The following CACNA1C variants were observed in gnomAD, a reference collection of about 807,000 sequenced individuals.
CACNA1C encodes voltage-dependent L-type calcium channel subunit alpha-1C.
Under a neutral mutation model 229.0 loss-of-function variants are expected in CACNA1C, and 30 were observed. The observed-to-expected ratio is 0.13, with a 90% CI of 0.10 to 0.18. CACNA1C has a LOEUF of 0.18. Among genes scored for constraint, CACNA1C ranks in the 10% least tolerant of loss-of-function variants. The pLI is 1.00. For missense variants in CACNA1C, 1,658 were observed against 2,845.0 expected (o/e 0.58, Z 9.49); for synonymous variants, 1,114 against 1,132.5 (o/e 0.98, Z 0.33).
At chr12:2,422,446 G>T (rs561807911) in intron 3 of CACNA1C, among the ~76,000 whole-genome samples, 1 of 151,704 alleles carries the variant, frequency 6.6e-6, no homozygotes, top group African/African-American at 2.4e-5. Context: ...TCTGTAGGAA[G>T]AGGATCCCAA....
chr12:2,511,539 C>T (rs958772503), intron 8 of CACNA1C, among the ~76,000 whole-genome samples: 4 of 152,044 alleles, frequency 2.6e-5, no homozygotes, highest in Non-Finnish European at 1.5e-5. Context: ...GACATCATGG[C>T]TCCAAGAATT....
rs1480176623 is a variant in CACNA1C, at chr12:2,678,438, T to G, written c.5091+571T>G. 2.0e-5 allele frequency among the ~76,000 whole-genome samples: 3 copies of G among 152,108 alleles called. No homozygotes were observed. Among genetic ancestry groups the G allele is most frequent in the African/African-American group, 7.2e-5 (3 of 41,410 alleles). Reference sequence around the variant, plus strand: ...TGAAGCTGCCCAGCAGTTGCAATAGTGAAAATTAAAACGGCTGTACCAGAA... The same window carrying G: ...TGAAGCTGCCCAGCAGTTGCAATAGGGAAAATTAAAACGGCTGTACCAGAA... On this transcript the variant is annotated intron_variant, in intron 41 of 46. Transcript: ENST00000399655. The surrounding 1 kb of genome is among the most constrained non-coding windows in gnomAD (Gnocchi z 4.1).
chr12:2,426,824 C>A (rs1034532310), intron 3 of CACNA1C, among the ~76,000 whole-genome samples: 1 of 152,176 alleles, frequency 6.6e-6, no homozygotes, highest in African/African-American at 2.4e-5. Flanking sequence ...CATGGCCTCT[C>A]ATTCTTTAGC....
intron 3 of CACNA1C, among the ~76,000 whole-genome samples, chr12:2,230,215 G>A (rs2064479402): frequency 6.6e-6 from 1 of 152,192 alleles, no homozygotes; most frequent in Non-Finnish European, 1.5e-5. Context: ...GCAGCCCGGG[G>A]GGCGGGCCTG....
intron 3 of CACNA1C, among the ~76,000 whole-genome samples, chr12:2,378,448 A>G (rs1330183414): frequency 6.6e-6 from 1 of 152,334 alleles, no homozygotes; most frequent in South Asian, 2.1e-4. Context: ...GCCTGTCTTC[A>G]TTACCCATGA....
chr12:2,238,531 G>A (rs963535769), intron 3 of CACNA1C, among the ~76,000 whole-genome samples: 2 of 152,224 alleles, frequency 1.3e-5, no homozygotes, highest in Non-Finnish European at 2.9e-5. Context: ...AATGGGATGA[G>A]TCTGTCAGTC....
chr12:2,423,991 C>G (rs1012241772), intron 3 of CACNA1C, among the ~76,000 whole-genome samples: 2 of 152,106 alleles, frequency 1.3e-5, no homozygotes, highest in Non-Finnish European at 2.9e-5. Flanking sequence ...TCCCGCTCCC[C>G]CTCCCCTCCT....
intron 1 of CACNA1C, among the ~76,000 whole-genome samples, chr12:2,000,761 G>A (rs1052156346): frequency 2.6e-5 from 4 of 152,156 alleles, no homozygotes; most frequent in Non-Finnish European, 5.9e-5. Context: ...ACCAGGCCGG[G>A]CACAGGGGCT....
intron 3 of CACNA1C, among the ~76,000 whole-genome samples, chr12:2,246,991 C>T (rs796221956): frequency 5.4e-4 from 82 of 152,280 alleles, no homozygotes; most frequent in African/African-American, 1.9e-3. Flanking sequence ...TGCAATAACT[C>T]CCCGATAGGT....
intron 30 of CACNA1C, among the ~76,000 whole-genome samples, chr12:2,636,573 A>G (rs1347016416): frequency 2.0e-5 from 3 of 152,098 alleles, no homozygotes; most frequent in Admixed American, 1.3e-4. Flanking sequence ...CTCATCCCCA[A>G]TTTGCTGATG....
At chr12:2,406,891 C>T (rs2098743513) in intron 3 of CACNA1C, among the ~76,000 whole-genome samples, 1 of 152,186 alleles carries the variant, frequency 6.6e-6, no homozygotes, top group African/African-American at 2.4e-5. Context: ...TTATCTGAAG[C>T]CTTCCCTTAC....
At chr12:2,426,039 G>T (rs894368556) in intron 3 of CACNA1C, among the ~76,000 whole-genome samples, 1 of 152,118 alleles carries the variant, frequency 6.6e-6, no homozygotes, top group East Asian at 1.9e-4. Flanking sequence ...TGAGAAATTA[G>T]CCCAGTCCTC....
chr12:2,220,356 T>G (rs1018059555), intron 3 of CACNA1C, among the ~76,000 whole-genome samples: 3 of 152,212 alleles, frequency 2.0e-5, no homozygotes, highest in Non-Finnish European at 4.4e-5. Flanking sequence ...GCTACAGTGC[T>G]GGCTCCCTGG....
At chr12:2,269,485 T>C (rs1345504760) in intron 3 of CACNA1C, among the ~76,000 whole-genome samples, 1 of 152,196 alleles carries the variant, frequency 6.6e-6, no homozygotes, top group Non-Finnish European at 1.5e-5. Context: ...ATAACATAGA[T>C]GTACAGTCGT....
intron 9 of CACNA1C, chr12:2,547,663 G>A (rs1056617114): frequency 7.8e-6 from 5 of 640,328 alleles, no homozygotes; most frequent in Admixed American, 2.4e-5. Context: ...TGTTGTGTGT[G>A]TGTGTGTGTT....
At chr12:2,329,720 G>A (rs2096478291) in intron 3 of CACNA1C, among the ~76,000 whole-genome samples, 1 of 152,174 alleles carries the variant, frequency 6.6e-6, no homozygotes, top group Admixed American at 6.5e-5. Flanking sequence ...ACTTTATGAA[G>A]TTCACATTAG....
chr12:2,086,493 A>G (rs2067696003), intron 1 of CACNA1C, among the ~76,000 whole-genome samples: 1 of 152,114 alleles, frequency 6.6e-6, no homozygotes, highest in Non-Finnish European at 1.5e-5. Context: ...ACTTAGTTGC[A>G]TGTTTGTTTC....
chr12:2,102,956 T>A (rs2076976825), intron 1 of CACNA1C, among the ~76,000 whole-genome samples: 1 of 152,268 alleles, frequency 6.6e-6, no homozygotes, highest in South Asian at 2.1e-4. Flanking sequence ...GGCATATATG[T>A]GCCACATTTT....
At chr12:2,344,466 G>C (rs1278301932) in intron 3 of CACNA1C, among the ~76,000 whole-genome samples, 1 of 152,026 alleles carries the variant, frequency 6.6e-6, no homozygotes, top group Non-Finnish European at 1.5e-5. Flanking sequence ...TCTCTTATTA[G>C]GGGCATTTGC....
Sources: gnomAD v4.1 joint callset for allele counts (sites outside exome capture counted in the v4.1 genomes callset) on GRCh38, gnomAD v4.1.1 for gene constraint, Gnocchi (gnomAD v3.1) non-coding constraint, MANE v1.5 for transcripts, NCBI Gene and HGNC (gene_info 2026-07-23, HGNC 2026-07-21) for gene names.